RPS6KA2: variants seen among roughly 807,000 people sequenced by gnomAD.
RPS6KA2 encodes ribosomal protein S6 kinase alpha-2.
In RPS6KA2, 42 loss-of-function variants were observed where a neutral mutation model predicts 91.8. The observed-to-expected ratio is 0.46, with a 90% confidence interval of 0.36 to 0.59. RPS6KA2 has a LOEUF of 0.59. RPS6KA2 is among the 20% of genes least tolerant of loss of function. The probability of loss-of-function intolerance (pLI) is 0.00; values close to 1 mark genes in which losing one functional copy is unlikely to be tolerated. For synonymous variants in RPS6KA2, 414 were observed against 393.6 expected (o/e 1.05, Z -0.61); for missense variants, 798 against 978.5 (o/e 0.82, Z 2.46).
intron 2 of RPS6KA2, among the ~76,000 whole-genome samples, chr6:166,832,124 C>T (rs983556051): frequency 4.0e-5 from 6 of 151,752 alleles, no homozygotes; most frequent in Admixed American, 6.6e-5. Context: ...ATGTTATGAC[C>T]GAGGAAGAAT....
chr6:166,721,294 C>A (rs1202558230), intron 2 of RPS6KA2, among the ~76,000 whole-genome samples: 6 of 152,082 alleles, frequency 3.9e-5, no homozygotes, highest in Non-Finnish European at 7.4e-5. Flanking sequence ...CTGCAGCCTC[C>A]AACAAGAGAG....
chr6:166,667,696 C>T (rs1258374988), intron 2 of RPS6KA2, among the ~76,000 whole-genome samples: 9 of 152,190 alleles, frequency 5.9e-5, no homozygotes, highest in African/African-American at 1.9e-4. Context: ...CTCAGAATCA[C>T]GAGCCAAAGA....
chr6:166,801,036 C>T (rs77406426), intron 2 of RPS6KA2, among the ~76,000 whole-genome samples: 2,315 of 152,152 alleles, frequency 0.015, 62 homozygotes, highest in African/African-American at 0.05. Flanking sequence ...ATTCTCTAGG[C>T]GGTCATGGAA....
intron 1 of RPS6KA2, chr6:166,542,363 C>CTT (rs1783687812): frequency 6.6e-6 from 1 of 152,214 alleles, no homozygotes. Flanking sequence ...GATTTGCATG[C>CTT]AATGCCTTAG....
chr6:166,615,911 G>A (rs548543165), intron 1 of RPS6KA2, among the ~76,000 whole-genome samples: 3 of 152,308 alleles, frequency 2.0e-5, no homozygotes, highest in African/African-American at 7.2e-5. Flanking sequence ...CTGCATTTGG[G>A]AGACATCTCC....
At chr6:166,760,751 T>G (rs1289805546) in intron 2 of RPS6KA2, among the ~76,000 whole-genome samples, 2 of 152,142 alleles carry the variant, frequency 1.3e-5, no homozygotes, top group Non-Finnish European at 2.9e-5. Context: ...AAGAATCGGA[T>G]GGGGGAAATG....
At chr6:166,687,280 G>T (rs1405650066) in intron 2 of RPS6KA2, among the ~76,000 whole-genome samples, 1 of 152,188 alleles carries the variant, frequency 6.6e-6, no homozygotes, top group African/African-American at 2.4e-5. Flanking sequence ...CAGGGCAGGG[G>T]ATCATTAGAC....
At chr6:166,809,407 G>A (rs1485621135) in intron 2 of RPS6KA2, among the ~76,000 whole-genome samples, 2 of 152,154 alleles carry the variant, frequency 1.3e-5, no homozygotes, top group Non-Finnish European at 2.9e-5. Flanking sequence ...TTAACACATG[G>A]CAGATAGGTT....
intron 2 of RPS6KA2, among the ~76,000 whole-genome samples, chr6:166,759,990 A>G (rs1778123221): frequency 6.6e-6 from 1 of 152,242 alleles, no homozygotes; most frequent in African/African-American, 2.4e-5. Flanking sequence ...ACTTTGTTTT[A>G]ATTTTAAAAT....
intron 9 of RPS6KA2, among the ~76,000 whole-genome samples, chr6:166,489,406 G>T (rs1244811672): frequency 6.6e-6 from 1 of 152,192 alleles, no homozygotes; most frequent in Admixed American, 6.5e-5. Context: ...ATGCTATGAA[G>T]AAAACCTGCG....
chr6:166,672,480 C>T (rs77932050), intron 2 of RPS6KA2, among the ~76,000 whole-genome samples: 2,347 of 152,290 alleles, frequency 0.015, 63 homozygotes, highest in African/African-American at 0.054. Flanking sequence ...TTCCAGTCAT[C>T]GTCTGGGCTC....
At chr6:166,440,390 T>C (rs1779482115) in intron 14 of RPS6KA2, 1 of 152,238 alleles carries the variant, frequency 6.6e-6, no homozygotes, top group South Asian at 2.1e-4. Flanking sequence ...ACATTAAGCC[T>C]TTCTCGTTTC....
chr6:166,676,445 G>A (rs1456799127), intron 2 of RPS6KA2, among the ~76,000 whole-genome samples: 2 of 152,146 alleles, frequency 1.3e-5, no homozygotes, highest in African/African-American at 4.8e-5. Context: ...GTTGATCTCC[G>A]GAAGCGCAAG....
chr6:166,858,584 G>A (rs1780970772), intron 1 of RPS6KA2, among the ~76,000 whole-genome samples: 1 of 152,246 alleles, frequency 6.6e-6, no homozygotes. Flanking sequence ...TGCCAGTGGA[G>A]AAAGCGTGGA....
chr6:166,687,468 G>A (rs757041046), intron 2 of RPS6KA2, among the ~76,000 whole-genome samples: 1 of 152,206 alleles, frequency 6.6e-6, no homozygotes, highest in Non-Finnish European at 1.5e-5. Flanking sequence ...AGTGGGGGCA[G>A]GGGGACACCA....
At chr6:166,559,117 G>A (rs1784263540) in intron 1 of RPS6KA2, among the ~76,000 whole-genome samples, 2 of 152,146 alleles carry the variant, frequency 1.3e-5, no homozygotes, top group Non-Finnish European at 2.9e-5. Context: ...GGAGGCTTTG[G>A]ACCTGGAATA....
intron 1 of RPS6KA2, among the ~76,000 whole-genome samples, chr6:166,596,756 T>C (rs1233677655): frequency 6.6e-6 from 1 of 152,202 alleles, no homozygotes; most frequent in Non-Finnish European, 1.5e-5. Context: ...CTTTCACATA[T>C]ACATCTATCC....
intron 15 of RPS6KA2, among the ~76,000 whole-genome samples, chr6:166,432,023 G>C (rs1435142162): frequency 2.0e-5 from 3 of 152,192 alleles, no homozygotes; most frequent in Non-Finnish European, 2.9e-5. Flanking sequence ...CCAATATCCT[G>C]TGACTCTAGG....
chr6:166,432,304 A>C, intron 15 of RPS6KA2, 97 bp downstream of exon 15: 1 of 775,070 alleles, frequency 1.3e-6, no homozygotes, highest in Non-Finnish European at 2.2e-6. Flanking sequence ...TGAGACAGGC[A>C]TGAGATGTGA....
Sources: allele counts gnomAD v4.1 joint callset (sites outside exome capture counted in the v4.1 genomes callset), GRCh38; gene constraint gnomAD v4.1.1; transcripts MANE v1.5; gene names NCBI Gene and HGNC (gene_info 2026-07-23, HGNC 2026-07-21).